The following PAPOLA variants were observed in gnomAD, a reference collection of about 807,000 sequenced individuals.
PAPOLA encodes the protein polynucleotide adenylyltransferase alpha.
In PAPOLA, 15 loss-of-function variants were observed where a neutral mutation model predicts 100.6. The ratio of observed to expected loss-of-function variants is 0.15; its 90% CI spans 0.10 to 0.23. The LOEUF is 0.23. Among genes scored for constraint, PAPOLA ranks in the 10% least tolerant of loss-of-function variants. PAPOLA has a pLI of 1.00. For synonymous variants in PAPOLA, 293 were observed against 300.0 expected (o/e 0.98, Z 0.24); for missense variants, 533 against 884.2 (o/e 0.60, Z 5.04).
chr14:96,525,304 C>T lies in PAPOLA; in HGVS notation c.250-6C>T, dbSNP rs765295389. ...CTGGCAAAATAACCATTTTTTGTTT[C>T]AACAGAATCTTCCACAATCTGTAAT... On this transcript the variant is annotated splice_region_variant and splice_polypyrimidine_tract_variant and intron_variant, in intron 3 of 21. Coordinates refer to ENST00000216277, the MANE Select transcript of PAPOLA (RefSeq NM_032632.5). 4 of 1,431,060 alleles carry T rather than the reference C, an allele frequency of 2.8e-6. No individual in the cohort carries two copies. The highest frequency in any genetic ancestry group is 2.9e-6 in the Non-Finnish European group (3 of 1,021,848). The allele number at this position is 1,431,060 out of a possible 1,614,324, so 88.6% of individuals were successfully genotyped here.
chr14:96,565,601 G>A lies in PAPOLA; in HGVS notation c.*551G>A, dbSNP rs1902210370. On this transcript the variant is annotated 3_prime_UTR_variant, in exon 22 of 22. Coordinates refer to ENST00000216277, the MANE Select transcript of PAPOLA (RefSeq NM_032632.5). ...CATCTAGTTCAGTTCCTATGAGGTA[G>A]CTGTAACCCTTAAAAATGAAACGTC... 2.5e-6 allele frequency: 1 copy of A among 395,316 alleles called. No homozygotes were observed. The highest frequency in any genetic ancestry group is 2.1e-5 in the African/African-American group (1 of 48,522). The allele number at this position is 395,316 out of a possible 1,614,324, so 24.5% of individuals were successfully genotyped here.
rs146649353 is a variant in PAPOLA, at chr14:96,565,794, G to A, written c.*744G>A. Reference sequence around the variant, plus strand: ...TTTTCTTTGAGCTTGTGAAAGCTCTGTGTTCTTTTGCCTTCAATCTGTTGT... The same window carrying A: ...TTTTCTTTGAGCTTGTGAAAGCTCTATGTTCTTTTGCCTTCAATCTGTTGT... On this transcript the variant is annotated 3_prime_UTR_variant, in exon 22 of 22. Coordinates refer to ENST00000216277, the MANE Select transcript of PAPOLA (RefSeq NM_032632.5). 121 of 398,284 alleles carry A rather than the reference G, an allele frequency of 3.0e-4. No homozygotes were observed. Among genetic ancestry groups the A allele is most frequent in the African/African-American group, 2.4e-3 (115 of 48,734 alleles). The allele number at this position is 398,284 out of a possible 1,614,324, so 24.7% of individuals were successfully genotyped here. A position where few individuals can be genotyped will look rare whatever the true frequency, so the allele number is the denominator to read the frequency against.
At chr14:96,503,169 C>T (rs971889891) in intron 1 of PAPOLA, among the ~76,000 whole-genome samples, 3 of 152,348 alleles carry the variant, frequency 2.0e-5, no homozygotes. Flanking sequence ...GTTAAAAGCC[C>T]AGCTTTGAGC....
chr14:96,540,709 A>G (rs151270510), intron 12 of PAPOLA, among the ~76,000 whole-genome samples: 206 of 152,238 alleles, frequency 1.4e-3, no homozygotes, highest in African/African-American at 4.6e-3. Context: ...ATATCCCTAT[A>G]TACCTTGTTT....
intron 1 of PAPOLA, among the ~76,000 whole-genome samples, chr14:96,517,107 A>C (rs1235772126): frequency 6.6e-6 from 1 of 152,244 alleles, no homozygotes; most frequent in African/African-American, 2.4e-5. Flanking sequence ...TGAAGCTACA[A>C]AAGTATAATT....
At chr14:96,510,309 T>C (rs1897023020) in intron 1 of PAPOLA, among the ~76,000 whole-genome samples, 1 of 152,162 alleles carries the variant, frequency 6.6e-6, no homozygotes, top group Non-Finnish European at 1.5e-5. Context: ...TCTGATACAT[T>C]TTCACACTCT....
intron 12 of PAPOLA, among the ~76,000 whole-genome samples, chr14:96,538,758 TCA>T (rs1899739522): frequency 6.6e-6 from 1 of 152,024 alleles, no homozygotes; most frequent in African/African-American, 2.4e-5. Flanking sequence ...TTGGAGGTGT[TCA>T]CAGATTTGAA....
At chr14:96,525,274 C>T (rs1316611109) in intron 3 of PAPOLA, 36 bp from the exon 4 acceptor site, 3 of 926,898 alleles carry the variant, frequency 3.2e-6, no homozygotes, top group Non-Finnish European at 5.3e-6. Context: ...TTCCCTTGTG[C>T]TCCACTGGCA....
At chr14:96,534,103 TA>T in intron 9 of PAPOLA, 1 of 1,004,510 alleles carries the variant, frequency 1.0e-6, no homozygotes. Flanking sequence ...AAGTAACTTT[TA>T]AAATTATCAC....
chr14:96,521,049 A>T lies in PAPOLA; in HGVS notation c.226A>T (p.Ile76Leu). 6.4e-7 allele frequency: 1 copy of T among 1,563,198 alleles called. No individual in the cohort carries two copies. Among genetic ancestry groups the T allele is most frequent in the Admixed American group, 1.7e-5 (1 of 58,684 alleles). Residue 76 changes from isoleucine to leucine, a missense_variant, in exon 3 of 22, where the codon ATA becomes TTA. Transcript: ENST00000216277. ...ACTAAATAACCTGGTAAAAGAGTGG[A>T]TACGAGAAATCAGTGAAAGCAAGGT... ...GKLNNLVKEW[I>L]REISESKNLP...
intron 10 of PAPOLA, 121 bp from the exon 11 acceptor site, chr14:96,535,758 C>G: frequency 1.0e-6 from 1 of 954,858 alleles, no homozygotes; most frequent in African/African-American, 1.7e-5. Flanking sequence ...TTTTCTTTCT[C>G]AACTCCAGCT....
chr14:96,520,209 G>A lies in PAPOLA; in HGVS notation c.163G>A (p.Glu55Lys). 1 of 1,612,384 alleles carries A rather than the reference G, an allele frequency of 6.2e-7. No individual in the cohort carries two copies. Among genetic ancestry groups the A allele is most frequent in the Non-Finnish European group, 8.5e-7 (1 of 1,179,322 alleles). The change falls in exon 2 of 22, where the codon GAA becomes AAA. Residue 55 changes from glutamate (E) to lysine (K), a missense_variant. Glu to Lys is a moderately conservative substitution (Grantham distance 56, BLOSUM62 1). Transcript: ENST00000216277. The stretch of plus-strand genomic sequence containing the variant: ...GAAACCCTTTGGGGTTTTTGAAGAG[G>A]AAGAGGAACTGCAGCGCAGGTAAAT... ...TLKPFGVFEE[E>K]EELQRRILIL...
chr14:96,511,440 T>A (rs1322375050), intron 1 of PAPOLA, among the ~76,000 whole-genome samples: 1 of 152,198 alleles, frequency 6.6e-6, no homozygotes, highest in African/African-American at 2.4e-5. Context: ...AAACATTAAC[T>A]ATTTAAGGAA....
chr14:96,551,821 T>G (rs1009236143), intron 16 of PAPOLA, among the ~76,000 whole-genome samples: 1 of 152,176 alleles, frequency 6.6e-6, no homozygotes, highest in African/African-American at 2.4e-5. Flanking sequence ...GGACCAACAT[T>G]AGGATTTGTA....
chr14:96,547,974 G>T lies in PAPOLA; in HGVS notation c.1521+56G>T, dbSNP rs1900521409. The T allele has an allele frequency of 6.5e-6, 9 of 1,388,578 alleles. No homozygotes were observed. The South Asian group carries it at 1.2e-4, about 19-fold the overall frequency. 86.0% of individuals were successfully genotyped at this position (1,388,578 alleles called of 1,614,324 possible). On this transcript the variant is annotated intron_variant, in intron 16 of 21. Coordinates refer to ENST00000216277, the MANE Select transcript of PAPOLA (RefSeq NM_032632.5). The stretch of plus-strand genomic sequence containing the variant: ...ACTAACATAATGTTTTATGCATCTG[G>T]ACTATCATTATTTCAGAATTTAGGC...
chr14:96,502,756 C>G, intron 1 of PAPOLA, 156 bp downstream of exon 1: 1 of 696,146 alleles, frequency 1.4e-6, no homozygotes, highest in Middle Eastern at 4.4e-4. Context: ...TTTCCTCGCT[C>G]GCTCGCCGCC....
chr14:96,503,515 AT>A (rs918488563), intron 1 of PAPOLA, among the ~76,000 whole-genome samples: 15 of 146,906 alleles, frequency 1.0e-4, no homozygotes, highest in Non-Finnish European at 1.4e-4. Flanking sequence ...TAGATTACGG[AT>A]TTTTTTTTTC....
chr14:96,523,519 C>T (rs1257325438), intron 3 of PAPOLA, among the ~76,000 whole-genome samples: 1 of 152,184 alleles, frequency 6.6e-6, no homozygotes, highest in African/African-American at 2.4e-5. Context: ...AAGATAGTTT[C>T]TCCTTCACCT....
At chr14:96,523,488 A>G (rs1898188807) in intron 3 of PAPOLA, among the ~76,000 whole-genome samples, 1 of 152,232 alleles carries the variant, frequency 6.6e-6, no homozygotes, top group Non-Finnish European at 1.5e-5. Context: ...CTTAATAGAG[A>G]AGTCTGTGGA....
Sources: allele counts gnomAD v4.1 joint callset (sites outside exome capture counted in the v4.1 genomes callset), GRCh38; gene constraint gnomAD v4.1.1; transcripts MANE v1.5; gene names NCBI Gene and HGNC (gene_info 2026-07-23, HGNC 2026-07-21).